The following TENM3 variants were observed in gnomAD, a reference collection of about 807,000 sequenced individuals.
The protein encoded by TENM3 is teneurin transmembrane protein 3.
Under a neutral mutation model 255.1 loss-of-function variants are expected in TENM3, and 63 were observed. The ratio of observed to expected loss-of-function variants is 0.25; its 90% CI spans 0.20 to 0.30. The LOEUF (loss-of-function observed/expected upper bound fraction) is 0.30. Among genes scored for constraint, TENM3 ranks in the 10% least tolerant of loss-of-function variants. The pLI is 1.00. For missense variants in TENM3, 2,929 were observed against 3,461.1 expected (o/e 0.85, Z 3.86); for synonymous variants, 1,306 against 1,322.3 (o/e 0.99, Z 0.27).
intron 3 of TENM3, among the ~76,000 whole-genome samples, chr4:182,401,507 T>G (rs997724516): frequency 6.6e-6 from 1 of 152,218 alleles, no homozygotes; most frequent in Non-Finnish European, 1.5e-5. Context: ...AGGCCAAACT[T>G]TGTGCCAGAT....
At chr4:182,549,026 C>T (rs6552573) in intron 3 of TENM3, among the ~76,000 whole-genome samples, 128,409 of 152,208 alleles carry the variant, frequency 0.84, 54,283 homozygotes, top group East Asian at 0.95. Flanking sequence ...TACTTGGCAG[C>T]CCAGCAATAA....
chr4:182,069,714 C>A, the TENM3 span, among the ~76,000 whole-genome samples: 2 of 149,920 alleles, frequency 1.3e-5, no homozygotes, highest in African/African-American at 4.9e-5. Flanking sequence ...CACACACACA[C>A]AAATACACTC....
intron 3 of TENM3, among the ~76,000 whole-genome samples, chr4:182,379,446 A>C (rs2150910048): frequency 6.6e-6 from 1 of 152,300 alleles, no homozygotes; most frequent in South Asian, 2.1e-4. Flanking sequence ...TGAGCAGTCC[A>C]AGTCCCCACA....
intron 1 of TENM3, among the ~76,000 whole-genome samples, chr4:182,153,399 G>A (rs910918176): frequency 1.3e-5 from 2 of 152,070 alleles, no homozygotes; most frequent in African/African-American, 2.4e-5. Flanking sequence ...TGCAAAACAA[G>A]TGTCAGGTTT....
intron 19 of TENM3, among the ~76,000 whole-genome samples, chr4:182,745,575 G>T (rs1287102772): frequency 6.6e-6 from 1 of 152,120 alleles, no homozygotes; most frequent in Non-Finnish European, 1.5e-5. Flanking sequence ...ACCCCTCAGG[G>T]TTATAAGTGA....
chr4:181,715,530 T>C, the TENM3 span, among the ~76,000 whole-genome samples: 1 of 152,248 alleles, frequency 6.6e-6, no homozygotes, highest in South Asian at 2.1e-4. Context: ...CCTAAATTCA[T>C]GTTTCTTTAA....
chr4:181,785,338 C>T, the TENM3 span, among the ~76,000 whole-genome samples: 1 of 152,100 alleles, frequency 6.6e-6, no homozygotes, highest in East Asian at 1.9e-4. Context: ...GTGGTCGGAG[C>T]GAAGCCCTGC....
At position 182,649,759 on chromosome 4, in the gene TENM3, C is replaced by G. The variant is rs1286827050; in HGVS notation, c.989-4012C>G. 2.0e-5 allele frequency among the ~76,000 whole-genome samples: 3 copies of G among 150,264 alleles called. 1 individual carries two copies. The highest frequency in any genetic ancestry group is 4.5e-5 in the Non-Finnish European group (3 of 67,318). ...TGGTGCCCAGGACACACAGATGTCA[C>G]CTAGTGATATCCTCGGCCCCAGCCC... is the stretch of plus-strand genomic sequence containing the variant. On this transcript the variant is annotated intron_variant, in intron 5 of 27. Coordinates refer to ENST00000511685, the MANE Select transcript of TENM3 (RefSeq NM_001080477.4).
chr4:182,782,383 C>G (rs1336777153), intron 24 of TENM3, among the ~76,000 whole-genome samples: 3 of 126,630 alleles, frequency 2.4e-5, no homozygotes, highest in African/African-American at 1.1e-4. Flanking sequence ...GATTCTTAAT[C>G]CTGAGTTCTA....
rs532825793 is a variant in TENM3 at position 182,307,344 on chromosome 4, T to C, written c.-75-16602T>C. On this transcript the variant is annotated intron_variant, in intron 1 of 27. Coordinates refer to ENST00000511685, the MANE Select transcript of TENM3 (RefSeq NM_001080477.4). Reference sequence around the variant, plus strand: ...TAATCTGTGCTAATTGGCCCCCTACTGGTAGTTAGAAAGTAGAGAGACCAA... The same window carrying C: ...TAATCTGTGCTAATTGGCCCCCTACCGGTAGTTAGAAAGTAGAGAGACCAA... Among the ~76,000 whole-genome samples, 16 of 152,310 alleles carry C rather than the reference T, an allele frequency of 1.1e-4. No homozygotes were observed. In the South Asian group the frequency reaches 2.5e-3, roughly 24 times the overall value.
the TENM3 span, among the ~76,000 whole-genome samples, chr4:181,532,599 G>C: frequency 6.6e-6 from 1 of 152,160 alleles, no homozygotes; most frequent in Non-Finnish European, 1.5e-5. Flanking sequence ...CACCCTATTT[G>C]AGTATATCTT....
the TENM3 span, among the ~76,000 whole-genome samples, chr4:181,900,191 A>G: frequency 6.6e-6 from 1 of 152,182 alleles, no homozygotes; most frequent in African/African-American, 2.4e-5. Context: ...CTGATTGCCA[A>G]TGCCAAAAAT....
At chr4:181,623,382 C>A in the TENM3 span, among the ~76,000 whole-genome samples, 1 of 152,226 alleles carries the variant, frequency 6.6e-6, no homozygotes, top group Non-Finnish European at 1.5e-5. Flanking sequence ...GAGGAACAGG[C>A]TTACTTCACA....
At chr4:181,779,600 A>G in the TENM3 span, among the ~76,000 whole-genome samples, 1 of 152,096 alleles carries the variant, frequency 6.6e-6, no homozygotes, top group East Asian at 1.9e-4. Context: ...AATTTGGTAA[A>G]CCATGAGAGG....
chr4:182,242,937 G>A (rs898736551), upstream of TENM3, among the ~76,000 whole-genome samples: 33 of 152,330 alleles, frequency 2.2e-4, no homozygotes, highest in African/African-American at 7.7e-4. Context: ...GAGGCTAAGA[G>A]AGAGGTAAGC....
At chr4:182,029,235 G>C in the TENM3 span, among the ~76,000 whole-genome samples, 3 of 151,888 alleles carry the variant, frequency 2.0e-5, no homozygotes, top group Non-Finnish European at 4.4e-5. Context: ...GAGATCAGGG[G>C]GTTCTCATGA....
the TENM3 span, among the ~76,000 whole-genome samples, chr4:181,734,846 T>C: frequency 0.23 from 35,219 of 152,102 alleles, 4,320 homozygotes; most frequent in South Asian, 0.31. Flanking sequence ...ATAGGTTCTA[T>C]GGGAATGTCA....
rs182380386 is a variant in TENM3, at chr4:182,608,438, A to C, written c.749+7277A>C. Reference sequence around the variant, plus strand: ...TGCCCAGATAATTTCTTAATATTTAATTATTAGCATTTATTTATTTGTCTA... The same window carrying C: ...TGCCCAGATAATTTCTTAATATTTACTTATTAGCATTTATTTATTTGTCTA... On this transcript the variant is annotated intron_variant, in intron 4 of 27. Transcript: ENST00000511685. Among the ~76,000 whole-genome samples, 669 of 152,172 alleles carry C rather than the reference A, an allele frequency of 4.4e-3. 2 individuals carry two copies. Among genetic ancestry groups the C allele is most frequent in the African/African-American group, 0.016 (646 of 41,524 alleles).
intron 12 of TENM3, among the ~76,000 whole-genome samples, chr4:182,708,206 C>T (rs1165651248): frequency 2.0e-5 from 3 of 152,028 alleles, no homozygotes; most frequent in Admixed American, 2.0e-4. Context: ...AATATATGCA[C>T]TTAGAACAGT....
Sources: gnomAD v4.1 joint callset for allele counts (sites outside exome capture counted in the v4.1 genomes callset) on GRCh38, gnomAD v4.1.1 for gene constraint, MANE v1.5 for transcripts, NCBI Gene and HGNC (gene_info 2026-07-23, HGNC 2026-07-21) for gene names.